SH3RF3: variants seen among roughly 807,000 people sequenced by gnomAD.
SH3RF3 encodes E3 ubiquitin-protein ligase SH3RF3.
In SH3RF3, 29 loss-of-function variants were observed where a neutral mutation model predicts 66.3. The ratio of observed to expected loss-of-function variants is 0.44; its 90% confidence interval spans 0.33 to 0.60. The LOEUF is 0.60. SH3RF3 is among the 20% of genes least tolerant of loss of function. The pLI, the probability that SH3RF3 is intolerant of heterozygous loss-of-function variation, is 0.04. For synonymous variants in SH3RF3, 583 were observed against 532.0 expected (o/e 1.10, Z -1.32); for missense variants, 1,194 against 1,190.9 (o/e 1.00, Z -0.04).
intron 6 of SH3RF3, among the ~76,000 whole-genome samples, chr2:109,434,717 C>A (rs1397313462): frequency 1.3e-5 from 2 of 152,240 alleles, no homozygotes; most frequent in Admixed American, 6.5e-5. Context: ...TCCCAAGCAG[C>A]CCACTGGCAA....
intron 1 of SH3RF3, among the ~76,000 whole-genome samples, chr2:109,181,502 C>A (rs1206002540): frequency 6.6e-6 from 1 of 152,186 alleles, no homozygotes; most frequent in African/African-American, 2.4e-5. Context: ...CACACGCACA[C>A]TAACAAACAC....
chr2:109,259,273 G>T (rs1018408522), intron 1 of SH3RF3, among the ~76,000 whole-genome samples: 1 of 152,300 alleles, frequency 6.6e-6, no homozygotes, highest in Middle Eastern at 3.4e-3. Flanking sequence ...AGCTGCTGCT[G>T]GCTCCTGAAC....
chr2:109,343,983 A>AT (rs1682621659), intron 1 of SH3RF3, among the ~76,000 whole-genome samples: 1 of 151,906 alleles, frequency 6.6e-6, no homozygotes, highest in African/African-American at 2.4e-5. Flanking sequence ...GCCTCAAGTG[A>AT]TTTTCCATCC....
At chr2:109,234,316 T>C (rs748053803) in intron 1 of SH3RF3, among the ~76,000 whole-genome samples, 3 of 152,226 alleles carry the variant, frequency 2.0e-5, no homozygotes, top group African/African-American at 7.2e-5. Flanking sequence ...AACTTTAGGT[T>C]AGATGAAGTG....
At chr2:109,367,216 G>T (rs865915047) in intron 2 of SH3RF3, among the ~76,000 whole-genome samples, 3 of 150,492 alleles carry the variant, frequency 2.0e-5, no homozygotes, top group Non-Finnish European at 2.9e-5. Flanking sequence ...TGCCTACTTC[G>T]GCCTACCAAA....
chr2:109,433,125 A>C (rs1192352307), intron 6 of SH3RF3, among the ~76,000 whole-genome samples: 1 of 152,232 alleles, frequency 6.6e-6, no homozygotes, highest in Non-Finnish European at 1.5e-5. Context: ...GTGCGTATGC[A>C]TACTGTAAGC....
At chr2:109,427,193 T>G (rs894739189) in intron 5 of SH3RF3, among the ~76,000 whole-genome samples, 5 of 152,082 alleles carry the variant, frequency 3.3e-5, no homozygotes, top group Admixed American at 3.3e-4. Context: ...GGTCTCAAAC[T>G]CCTGACCTCA....
At chr2:109,293,931 G>A (rs1206622375) in intron 1 of SH3RF3, among the ~76,000 whole-genome samples, 1 of 152,170 alleles carries the variant, frequency 6.6e-6, no homozygotes, top group Non-Finnish European at 1.5e-5. Flanking sequence ...CCAATGGCCG[G>A]CGCCCTCCTC....
chr2:109,199,582 T>TCAACGCGAGTGCAGG (rs1558953881), intron 1 of SH3RF3, among the ~76,000 whole-genome samples: 2 of 478 alleles, frequency 4.2e-3, no homozygotes, highest in Non-Finnish European at 9.8e-3. Flanking sequence ...TGGAATGGAA[T>TCAACGCGAGTGCAGG]GGAATGGAAT....
Position 109,437,002 on chromosome 2 carries a change from C to T in SH3RF3, c.1684C>T (p.Leu562=). 5 of 1,613,866 alleles carry T rather than the reference C, an allele frequency of 3.1e-6. No individual in the cohort carries two copies. The highest frequency in any genetic ancestry group is 4.2e-6 in the Non-Finnish European group (5 of 1,179,890). ...CCCAGGCAGTGGGAGTCTGAGCAGC[C>T]TGGCCACTGCCACCAGGCCCGCCCT... ...MHPGSGSLSS[L]ATATRPALPI... is the part of the protein sequence containing the mutation. Residue 562 remains leucine (L), a synonymous_variant, in exon 7 of 10, where the codon CTG becomes TTG. Transcript: ENST00000309415.
At chr2:109,360,867 G>C (rs1327793069) in intron 2 of SH3RF3, among the ~76,000 whole-genome samples, 1 of 152,114 alleles carries the variant, frequency 6.6e-6, no homozygotes, top group Non-Finnish European at 1.5e-5. Context: ...AAAAAGCAGG[G>C]GCAGAGAGTA....
At chr2:109,329,750 A>G (rs1682241992) in intron 1 of SH3RF3, among the ~76,000 whole-genome samples, 1 of 152,246 alleles carries the variant, frequency 6.6e-6, no homozygotes, top group African/African-American at 2.4e-5. Flanking sequence ...AGTGTGACAC[A>G]AAGGAGGCTG....
chr2:109,380,202 C>T (rs1327565087), intron 3 of SH3RF3, among the ~76,000 whole-genome samples: 1 of 152,170 alleles, frequency 6.6e-6, no homozygotes, highest in Non-Finnish European at 1.5e-5. Flanking sequence ...TAGGTACCGG[C>T]TCGCCCTGAT....
At chr2:109,278,330 G>A (rs189983517) in intron 1 of SH3RF3, among the ~76,000 whole-genome samples, 25 of 152,206 alleles carry the variant, frequency 1.6e-4, no homozygotes, top group African/African-American at 4.1e-4. Context: ...GCTGGTGCCC[G>A]TAATGGGGGT....
chr2:109,395,629 C>T (rs541810697), intron 3 of SH3RF3, among the ~76,000 whole-genome samples: 4 of 152,354 alleles, frequency 2.6e-5, no homozygotes, highest in Admixed American at 2.6e-4. Context: ...GCTGTCTCCC[C>T]ACCCTCACTC....
intron 3 of SH3RF3, among the ~76,000 whole-genome samples, chr2:109,376,111 G>A (rs1683375838): frequency 6.6e-6 from 1 of 152,268 alleles, no homozygotes; most frequent in Non-Finnish European, 1.5e-5. Flanking sequence ...TGGTGGTGGT[G>A]TAAATGTTTG....
At chr2:109,298,958 G>A (rs1409334976) in intron 1 of SH3RF3, among the ~76,000 whole-genome samples, 1 of 152,210 alleles carries the variant, frequency 6.6e-6, no homozygotes, top group Admixed American at 6.5e-5. Context: ...GAAAAAGCCA[G>A]GCCGTATGAC....
intron 4 of SH3RF3, among the ~76,000 whole-genome samples, chr2:109,399,518 G>A (rs1379417649): frequency 6.6e-6 from 1 of 151,814 alleles, no homozygotes; most frequent in Non-Finnish European, 1.5e-5. Context: ...GCTCATGCCT[G>A]TAATCCTGGG....
chr2:109,491,055 C>G (rs996186731), intron 9 of SH3RF3, 119 bp downstream of exon 9: 14 of 953,232 alleles, frequency 1.5e-5, no homozygotes, highest in Non-Finnish European at 1.9e-5. Flanking sequence ...CCAGATGTAC[C>G]TCAACACCCA....
Sources: gnomAD v4.1 joint callset for allele counts (sites outside exome capture counted in the v4.1 genomes callset) on GRCh38, gnomAD v4.1.1 for gene constraint, MANE v1.5 for transcripts, NCBI Gene and HGNC (gene_info 2026-07-23, HGNC 2026-07-21) for gene names.